Variants in SFMBT2 observed in about 807,000 individuals in gnomAD.
SFMBT2 encodes the protein scm-like with four MBT domains protein 2.
Under a neutral mutation model 110.1 loss-of-function variants are expected in SFMBT2, and 38 were observed. The ratio of observed to expected loss-of-function variants is 0.35; its 90% confidence interval spans 0.27 to 0.45. The LOEUF is 0.45. Among genes scored for constraint, SFMBT2 ranks in the 20% least tolerant of loss-of-function variants. SFMBT2 has a pLI of 1.00. For synonymous variants in SFMBT2, 425 were observed against 425.4 expected, an observed-to-expected ratio of 1.00 and a Z score of 0.01; for missense variants, 1,011 against 1,094.9, an observed-to-expected ratio of 0.92 and a Z score of 1.08.
intron 4 of SFMBT2, among the ~76,000 whole-genome samples, chr10:7,357,405 C>T (rs1844555858): frequency 1.3e-5 from 2 of 152,072 alleles, no homozygotes; most frequent in African/African-American, 4.8e-5. Flanking sequence ...AGTCGAAGGC[C>T]CAAATAGATT....
At chr10:7,326,057 G>A (rs1049163807) in intron 4 of SFMBT2, among the ~76,000 whole-genome samples, 14 of 152,234 alleles carry the variant, frequency 9.2e-5, no homozygotes, top group African/African-American at 3.1e-4. Context: ...AATGTACACT[G>A]ATATGTATGT....
intron 1 of SFMBT2, among the ~76,000 whole-genome samples, chr10:7,382,528 G>A (rs1845453486): frequency 6.6e-6 from 1 of 152,184 alleles, no homozygotes. Context: ...TCACCACTAA[G>A]ATGGACACAT....
chr10:7,253,469 C>G (rs903422141), intron 7 of SFMBT2, among the ~76,000 whole-genome samples: 3 of 152,164 alleles, frequency 2.0e-5, no homozygotes, highest in African/African-American at 7.2e-5. Context: ...AGTTGAAGAA[C>G]TGGTTGGTGT....
chr10:7,311,045 CAAAA>C (rs201310544), intron 4 of SFMBT2, among the ~76,000 whole-genome samples: 3 of 96,942 alleles, frequency 3.1e-5, no homozygotes, highest in Non-Finnish European at 4.1e-5. Flanking sequence ...AACTCCATCT[CAAAA>C]AAAAAAAAAA....
At chr10:7,375,719 T>C (rs1588492063) in intron 2 of SFMBT2, among the ~76,000 whole-genome samples, 1 of 146,426 alleles carries the variant, frequency 6.8e-6, no homozygotes, top group South Asian at 2.2e-4. Flanking sequence ...AACTACCCGA[T>C]GGCCAGAGTT....
chr10:7,388,509 G>T (rs1845680154), intron 1 of SFMBT2, among the ~76,000 whole-genome samples: 1 of 148,416 alleles, frequency 6.7e-6, no homozygotes, highest in Non-Finnish European at 1.5e-5. Context: ...AGGTGCACCT[G>T]ACCATACCCA....
At chr10:7,347,006 A>G (rs1015537475) in intron 4 of SFMBT2, among the ~76,000 whole-genome samples, 4 of 151,922 alleles carry the variant, frequency 2.6e-5, no homozygotes, top group Admixed American at 6.6e-5. Context: ...AAACAAAACA[A>G]AACAAAACAA....
intron 10 of SFMBT2, among the ~76,000 whole-genome samples, chr10:7,220,993 A>G (rs1305924818): frequency 1.3e-5 from 2 of 151,622 alleles, no homozygotes; most frequent in African/African-American, 2.4e-5. Flanking sequence ...TGCCTGGCTA[A>G]TTTTTTGTAT....
intron 15 of SFMBT2, among the ~76,000 whole-genome samples, chr10:7,191,290 C>T (rs1838593683): frequency 6.6e-6 from 1 of 152,360 alleles, no homozygotes; most frequent in South Asian, 2.1e-4. Flanking sequence ...TCTGTGTCCA[C>T]AATGTCCCTG....
At chr10:7,174,190 A>G (rs1231984538) in intron 17 of SFMBT2, among the ~76,000 whole-genome samples, 3 of 152,208 alleles carry the variant, frequency 2.0e-5, no homozygotes, top group African/African-American at 7.2e-5. Flanking sequence ...TCCCGTGTCC[A>G]GTTCTATAAG....
chr10:7,403,243 T>TTA (rs1290644610), intron 1 of SFMBT2, among the ~76,000 whole-genome samples: 1 of 152,172 alleles, frequency 6.6e-6, no homozygotes, highest in Non-Finnish European at 1.5e-5. Flanking sequence ...ACAAACCCTA[T>TTA]TAGAATGACC....
In SFMBT2 at chr10:7,193,090, C is replaced by G. The variant is rs113353593; in HGVS notation, c.1699-4357G>C. On this transcript the variant is annotated intron_variant, in intron 15 of 20. Transcript: ENST00000397167. The stretch of plus-strand genomic sequence containing the variant: ...AAAAGAGAGCAGAAAATCAGGCGTT[C>G]TATTTCTACCTTTCTATAGAAGGTT... Among the ~76,000 whole-genome samples the G allele has an allele frequency of 2.7e-3, 414 of 152,304 alleles. 2 individuals carry two copies. The highest frequency in any genetic ancestry group is 9.5e-3 in the African/African-American group (393 of 41,572).
chr10:7,262,716 A>G (rs1022351774), intron 7 of SFMBT2, among the ~76,000 whole-genome samples: 14 of 152,086 alleles, frequency 9.2e-5, no homozygotes, highest in Non-Finnish European at 1.8e-4. Flanking sequence ...GCGATGGCGA[A>G]CTCTGTATAG....
chr10:7,275,250 G>A (rs1197600120), intron 7 of SFMBT2, among the ~76,000 whole-genome samples: 1 of 152,184 alleles, frequency 6.6e-6, no homozygotes, highest in African/African-American at 2.4e-5. Context: ...CCTCACATGT[G>A]TGTATAGGGT....
chr10:7,346,266 A>G (rs1350607490), intron 4 of SFMBT2, among the ~76,000 whole-genome samples: 1 of 152,120 alleles, frequency 6.6e-6, no homozygotes, highest in Middle Eastern at 3.2e-3. Context: ...TTTTACTTCT[A>G]GACACTTGTA....
At chr10:7,175,431 C>G (rs973274738) in intron 17 of SFMBT2, among the ~76,000 whole-genome samples, 1 of 152,164 alleles carries the variant, frequency 6.6e-6, no homozygotes, top group Non-Finnish European at 1.5e-5. Context: ...AGTCCTGCAC[C>G]CTGTGTCCTG....
intron 14 of SFMBT2, chr10:7,198,253 A>C: frequency 1.9e-6 from 1 of 522,672 alleles, no homozygotes; most frequent in Non-Finnish European, 2.5e-6. Context: ...TCATTTTTTT[A>C]CTTCTTTGAC....
intron 11 of SFMBT2, chr10:7,207,023 C>T: frequency 1.9e-6 from 1 of 537,074 alleles, no homozygotes; most frequent in Non-Finnish European, 2.4e-6. Flanking sequence ...CCTAGGAGTT[C>T]AAGATCAGCC....
intron 14 of SFMBT2, chr10:7,197,921 A>G: frequency 1.0e-6 from 1 of 954,394 alleles, no homozygotes; most frequent in Non-Finnish European, 1.2e-6. Context: ...CTAGTTCCAA[A>G]TCGTGACAAA....
Sources: gnomAD v4.1 joint callset for allele counts (sites outside exome capture counted in the v4.1 genomes callset) on GRCh38, gnomAD v4.1.1 for gene constraint, MANE v1.5 for transcripts, NCBI Gene and HGNC (gene_info 2026-07-23, HGNC 2026-07-21) for gene names.